Variants in ANKMY1 observed in about 807,000 individuals in gnomAD.
ANKMY1 encodes ankyrin repeat and MYND domain containing 1.
In ANKMY1, 98 loss-of-function variants were observed where a neutral mutation model predicts 102.0. The ratio of observed to expected loss-of-function variants is 0.96; its 90% CI spans 0.82 to 1.14. The LOEUF is 1.14. Among genes scored for constraint, ANKMY1 ranks in the 50% most tolerant of loss-of-function variants. ANKMY1 has a pLI of 0.00. For missense variants in ANKMY1, 1,330 were observed against 1,347.6 expected (o/e 0.99, Z 0.20); for synonymous variants, 582 against 559.9 (o/e 1.04, Z -0.56).
intron 16 of ANKMY1, 38 bp from the exon 17 acceptor site, chr2:240,481,135 A>G: frequency 6.3e-7 from 1 of 1,589,648 alleles, no homozygotes; most frequent in South Asian, 1.1e-5. Context: ...CGGCCACTCC[A>G]GAACCTGCTT....
intron 11 of ANKMY1, 30 bp downstream of exon 11, chr2:240,511,829 CTG>C (rs753773634): frequency 1.3e-6 from 2 of 1,555,770 alleles, no homozygotes; most frequent in Admixed American, 3.8e-5. Context: ...CTGGGCAGCC[CTG>C]TGCCCCCGCC....
intron 9 of ANKMY1, among the ~76,000 whole-genome samples, chr2:240,517,036 T>C (rs1324517919): frequency 6.6e-6 from 1 of 152,272 alleles, no homozygotes; most frequent in Non-Finnish European, 1.5e-5. Context: ...CTTTTTTCTC[T>C]GTCTTCCTGA....
At chr2:240,510,065 T>C (rs1217196793) in intron 11 of ANKMY1, among the ~76,000 whole-genome samples, 1 of 134,382 alleles carries the variant, frequency 7.4e-6, no homozygotes, top group East Asian at 2.4e-4. Flanking sequence ...TTCCCCATTC[T>C]TGCCCTCCCT....
chr2:240,504,350 T>C (rs1260431710), intron 13 of ANKMY1, among the ~76,000 whole-genome samples: 1 of 152,152 alleles, frequency 6.6e-6, no homozygotes, highest in Non-Finnish European at 1.5e-5. Context: ...CGGAAAAGTA[T>C]TCGTGAAAGG....
At chr2:240,560,726 C>T (rs747476568), upstream of ANKMY1, 46 of 1,522,812 alleles carry the variant, frequency 3.0e-5, no homozygotes, top group Admixed American at 3.4e-4. Context: ...CCGCCTCGCC[C>T]GTACCTCCAC....
intron 15 of ANKMY1, among the ~76,000 whole-genome samples, chr2:240,490,442 C>T (rs975105965): frequency 5.3e-5 from 8 of 151,982 alleles, no homozygotes; most frequent in Admixed American, 1.3e-4. Flanking sequence ...TTGCTGTATC[C>T]CACAGGTTTT....
intron 4 of ANKMY1, among the ~76,000 whole-genome samples, chr2:240,544,182 G>C (rs1001018388): frequency 6.6e-6 from 1 of 151,994 alleles, no homozygotes; most frequent in Non-Finnish European, 1.5e-5. Context: ...TGTTAAGGAA[G>C]GTTATAAAGA....
In ANKMY1 at chr2:240,552,762, C is replaced by T. The variant is rs1302938967; in HGVS notation, c.480+152G>A. The T allele has an allele frequency of 1.2e-5, 15 of 1,232,968 alleles. No homozygotes were observed. In the Admixed American group the frequency reaches 3.1e-4, roughly 26 times the overall value. 76.4% of individuals were successfully genotyped at this position (1,232,968 alleles called of 1,614,324 possible). On this transcript the variant is annotated intron_variant, in intron 4 of 17. Coordinates refer to ENST00000401804, the MANE Select transcript of ANKMY1 (RefSeq NM_001282771.3). ...GAGGCTTTTATTTTCAGTCTATATC[C>T]TTATTATTGGTACCATTTTAATCAT...
rs200198187 is a variant in ANKMY1 at position 240,509,382 on chromosome 2, G to C, written c.2360C>G (p.Pro787Arg). 38 of 1,613,710 alleles carry C rather than the reference G, an allele frequency of 2.4e-5. No homozygotes were observed. Among genetic ancestry groups the C allele is most frequent in the Non-Finnish European group, 3.2e-5 (38 of 1,179,804 alleles). ...NPNLLWSGHS[P>R]LSLSIASGNE... ...CCCACTGGCAATGGACAGGGAGAGC[G>C]GGGAGTGGCCACTCCACAGCAGGTT... Residue 787 changes from proline to arginine, a missense_variant, in exon 12 of 18, where the codon CCG becomes CGG. Coordinates refer to ENST00000401804, the MANE Select transcript of ANKMY1 (RefSeq NM_001282771.3).
intron 4 of ANKMY1, among the ~76,000 whole-genome samples, chr2:240,531,641 C>T (rs1008748452): frequency 6.6e-6 from 1 of 151,988 alleles, no homozygotes; most frequent in African/African-American, 2.4e-5. Flanking sequence ...AAATACTACA[C>T]CCGGTAAAAT....
chr2:240,535,534 C>T (rs752911680), intron 4 of ANKMY1, among the ~76,000 whole-genome samples: 2 of 152,130 alleles, frequency 1.3e-5, no homozygotes, highest in East Asian at 3.9e-4. Flanking sequence ...CTCTAGAGAA[C>T]GTGGATTTTT....
chr2:240,515,820 C>G lies in ANKMY1; in HGVS notation c.2005-2878G>C, dbSNP rs1012076025. 5.3e-5 allele frequency among the ~76,000 whole-genome samples: 8 copies of G among 152,052 alleles called. No homozygotes were observed. In the East Asian group the frequency reaches 1.6e-3, roughly 30 times the overall value. ...GCAAGCTCCTCCTCCCAGGTTCACA[C>G]CATTCTCCTGCCTCAGCCTCCCGAG... On this transcript the variant is annotated intron_variant, in intron 9 of 17. Transcript: ENST00000401804.
chr2:240,550,855 G>T (rs1481098419), intron 4 of ANKMY1, among the ~76,000 whole-genome samples: 5 of 152,124 alleles, frequency 3.3e-5, no homozygotes, highest in Admixed American at 6.5e-5. Context: ...TCTATCTTTT[G>T]ACTATGGCTG....
Position 240,506,122 on chromosome 2 carries a change from G to A in ANKMY1, c.2526+1438C>T, listed in dbSNP as rs549761881. ...GGGAGCCCCCAACCCTGGACAAGTC[G>A]CTGGGAAGCCCCCTAACCCCGGATG... On this transcript the variant is annotated intron_variant, in intron 13 of 17. Transcript: ENST00000401804. This position sits in a 1 kb window ranked among gnomAD's most constrained non-coding sequence, Gnocchi z 4.9. Among the ~76,000 whole-genome samples, 2 of 151,738 alleles carry A rather than the reference G, an allele frequency of 1.3e-5. No individual in the cohort carries two copies. The highest frequency in any genetic ancestry group is 1.9e-4 in the East Asian group (1 of 5,152).
chr2:240,530,505 C>T (rs1035587656), intron 4 of ANKMY1, among the ~76,000 whole-genome samples: 7 of 152,192 alleles, frequency 4.6e-5, no homozygotes, highest in African/African-American at 7.2e-5. Context: ...GCCTGCTCCC[C>T]GTTCACCTTC....
intron 8 of ANKMY1, chr2:240,522,924 T>C (rs565203332): frequency 6.6e-6 from 1 of 152,236 alleles, no homozygotes; most frequent in South Asian, 2.1e-4. Flanking sequence ...CAACAAATAG[T>C]GTCATATGTT....
At chr2:240,560,916 C>A, upstream of ANKMY1, 2 of 1,536,088 alleles carry the variant, frequency 1.3e-6, no homozygotes, top group East Asian at 2.6e-5. Flanking sequence ...GGCTGAGGAC[C>A]TGCTGGCGCA....
chr2:240,511,953 G>A lies in ANKMY1; in HGVS notation c.2194C>T (p.Pro732Ser). Residue 732 changes from proline to serine, a missense_variant, in exon 11 of 18, where the codon CCC becomes TCC. Coordinates refer to ENST00000401804, the MANE Select transcript of ANKMY1 (RefSeq NM_001282771.3). ...GTGTCCGTGCTGTAGTAGGCTTGGG[G>A]AGGGCCTGGCTCATTGCTGAGCTTC... ...SLKLSNEPGP[P>S]QAYYSTDTAL... 1 of 1,569,014 alleles carries A rather than the reference G, an allele frequency of 6.4e-7. No homozygotes were observed. Among genetic ancestry groups the A allele is most frequent in the Non-Finnish European group, 8.6e-7 (1 of 1,165,464 alleles).
At position 240,499,119 on chromosome 2, in the gene ANKMY1, G is replaced by C. The variant is rs969998248; in HGVS notation, c.2806+839C>G. 1.3e-5 allele frequency among the ~76,000 whole-genome samples: 2 copies of C among 152,158 alleles called. No individual in the cohort carries two copies. Among genetic ancestry groups the C allele is most frequent in the African/African-American group, 4.8e-5 (2 of 41,420 alleles). ...AGGCACCTGGGGTGTTGCTCAGTGG[G>C]GGACTGTGTGAGGCTGCAGGAGGCT... On this transcript the variant is annotated intron_variant, in intron 15 of 17. Coordinates refer to ENST00000401804, the MANE Select transcript of ANKMY1 (RefSeq NM_001282771.3). The surrounding 1 kb of genome is among the most constrained non-coding windows in gnomAD (Gnocchi z 4.2).
Sources: gnomAD v4.1 joint callset for allele counts (sites outside exome capture counted in the v4.1 genomes callset) on GRCh38, gnomAD v4.1.1 for gene constraint, Gnocchi (gnomAD v3.1) non-coding constraint, MANE v1.5 for transcripts, NCBI Gene and HGNC (gene_info 2026-07-23, HGNC 2026-07-21) for gene names.